The following KIRREL3 variants were observed in gnomAD, a reference collection of about 807,000 sequenced individuals.
KIRREL3 encodes kin of IRRE-like protein 3.
A neutral mutation model predicts 89.7 loss-of-function variants in KIRREL3; 36 were observed. The ratio of observed to expected loss-of-function variants is 0.40; its 90% CI spans 0.31 to 0.53. KIRREL3 has a LOEUF of 0.53. Among genes scored for constraint, KIRREL3 ranks in the 20% least tolerant of loss-of-function variants. KIRREL3 has a pLI of 0.49. For missense variants in KIRREL3, 864 were observed against 1,056.6 expected (o/e 0.82, Z 2.53); for synonymous variants, 445 against 441.4 (o/e 1.01, Z -0.10).
intron 1 of KIRREL3, among the ~76,000 whole-genome samples, chr11:126,922,914 C>T (rs1314554130): frequency 6.6e-6 from 1 of 152,166 alleles, no homozygotes; most frequent in African/African-American, 2.4e-5. Context: ...TGGTTCTTGC[C>T]GAGGTTGCGA....
In KIRREL3 at chr11:126,601,472, C is replaced by T. The variant is rs558307233; in HGVS notation, c.56-38560G>A. Reference sequence around the variant, plus strand: ...TCTCATACTCTAAAGATGAACTTCCCGTGCTCAATCAAACGTTATTATCCC... The same window carrying T: ...TCTCATACTCTAAAGATGAACTTCCTGTGCTCAATCAAACGTTATTATCCC... On this transcript the variant is annotated intron_variant, in intron 1 of 16. Transcript: ENST00000525144. The surrounding 1 kb of genome is among the most constrained non-coding windows in gnomAD (Gnocchi z 5.8). Among the ~76,000 whole-genome samples the T allele has an allele frequency of 3.0e-4, 45 of 152,204 alleles. No homozygotes were observed. Among genetic ancestry groups the T allele is most frequent in the Non-Finnish European group, 3.2e-4 (22 of 68,038 alleles).
chr11:126,516,482 G>A lies in KIRREL3; in HGVS notation c.433+4833C>T, dbSNP rs751795097. 1.4e-3 allele frequency among the ~76,000 whole-genome samples: 211 copies of A among 152,120 alleles called. No individual in the cohort carries two copies. Among genetic ancestry groups the A allele is most frequent in the Non-Finnish European group, 1.9e-3 (127 of 68,016 alleles). ...TGGTTTAATCCGTGCATCACTTATCGACCGCCTTCTCTCTGCCAGAATGCA... is the reference window on the plus strand; with the variant it reads ...TGGTTTAATCCGTGCATCACTTATCAACCGCCTTCTCTCTGCCAGAATGCA... On this transcript the variant is annotated intron_variant, in intron 4 of 16. Coordinates refer to ENST00000525144, the MANE Select transcript of KIRREL3 (RefSeq NM_032531.4). This position sits in a 1 kb window ranked among gnomAD's most constrained non-coding sequence, Gnocchi z 4.9.
chr11:126,852,405 C>T (rs537662642), intron 1 of KIRREL3, among the ~76,000 whole-genome samples: 22 of 152,256 alleles, frequency 1.4e-4, no homozygotes, highest in Admixed American at 2.6e-4. Context: ...AGCCTAGGAC[C>T]AATCATCTAA....
chr11:126,948,149 A>G lies in KIRREL3; in HGVS notation c.55+52306T>C, dbSNP rs892291300. Among the ~76,000 whole-genome samples, 1 of 152,212 alleles carries G rather than the reference A, an allele frequency of 6.6e-6. No individual in the cohort carries two copies. Among genetic ancestry groups the G allele is most frequent in the Non-Finnish European group, 1.5e-5 (1 of 68,030 alleles). On this transcript the variant is annotated intron_variant, in intron 1 of 16. Coordinates refer to ENST00000525144, the MANE Select transcript of KIRREL3 (RefSeq NM_032531.4). The surrounding 1 kb of genome is among the most constrained non-coding windows in gnomAD (Gnocchi z 4.5). ...ATCCATTGCCTAGTGGTTAACCCTC[A>G]ATAAATGCTTTTTGTAATCAACTTA...
At chr11:126,838,724 A>G (rs1386269725) in intron 1 of KIRREL3, among the ~76,000 whole-genome samples, 1 of 152,118 alleles carries the variant, frequency 6.6e-6, no homozygotes, top group Non-Finnish European at 1.5e-5. Flanking sequence ...GGTAAATGGA[A>G]TTTTTTGCTA....
intron 1 of KIRREL3, among the ~76,000 whole-genome samples, chr11:126,733,754 T>G (rs1369334463): frequency 6.6e-6 from 1 of 152,252 alleles, no homozygotes; most frequent in Non-Finnish European, 1.5e-5. Context: ...GCCCTTTTTT[T>G]CCCTGATATG....
rs914510765 is a variant in KIRREL3, at chr11:126,856,676, C to T, written c.55+143779G>A. 3.3e-5 allele frequency among the ~76,000 whole-genome samples: 5 copies of T among 150,894 alleles called. No individual in the cohort carries two copies. In the East Asian group the frequency reaches 5.9e-4, roughly 18 times the overall value. ...TGTCGCCCAGACTGGAGTGCAGTGGCGCCATCTCGGCTCACTGCAAGCTCT... is the reference window on the plus strand; with the variant it reads ...TGTCGCCCAGACTGGAGTGCAGTGGTGCCATCTCGGCTCACTGCAAGCTCT... On this transcript the variant is annotated intron_variant, in intron 1 of 16. Coordinates refer to ENST00000525144, the MANE Select transcript of KIRREL3 (RefSeq NM_032531.4).
At position 126,903,720 on chromosome 11, in the gene KIRREL3, T is replaced by C. The variant is rs562929336; in HGVS notation, c.55+96735A>G. Among the ~76,000 whole-genome samples, 4 of 152,354 alleles carry C rather than the reference T, an allele frequency of 2.6e-5. No homozygotes were observed. The South Asian group carries it at 6.2e-4, about 24-fold the overall frequency. On this transcript the variant is annotated intron_variant, in intron 1 of 16. Transcript: ENST00000525144. The surrounding 1 kb of genome is among the most constrained non-coding windows in gnomAD (Gnocchi z 4.5). ...GGCTGACAATGATGAAAATGAGATA[T>C]GTTGGGCCACCAACGCTTTCTGTAA...
chr11:126,557,141 C>T lies in KIRREL3; in HGVS notation c.133+5694G>A, dbSNP rs1332225543. The stretch of plus-strand genomic sequence containing the variant: ...GGCCTGCTCATCCCTGGGTCAGGTC[C>T]CCAGGCCAAGGACCCTGGCCTGCTG... On this transcript the variant is annotated intron_variant, in intron 2 of 16. Transcript: ENST00000525144. This position sits in a 1 kb window ranked among gnomAD's most constrained non-coding sequence, Gnocchi z 5.6. 1.3e-5 allele frequency among the ~76,000 whole-genome samples: 2 copies of T among 152,146 alleles called. No individual in the cohort carries two copies. Among genetic ancestry groups the T allele is most frequent in the South Asian group, 2.1e-4 (1 of 4,822 alleles).
intron 2 of KIRREL3, among the ~76,000 whole-genome samples, chr11:126,533,574 A>C (rs538933954): frequency 6.6e-6 from 1 of 152,346 alleles, no homozygotes; most frequent in East Asian, 1.9e-4. Context: ...AGGTGAGCGC[A>C]GACCTGCAGG....
rs1045162320 is a variant in KIRREL3, at chr11:126,748,667, C to T, written c.56-185755G>A. ...AGGGGCAGGAAGGCCAAGGCTGATTCGGCCTTGGTCTGGCAAGGGAAGCTG... is the reference window on the plus strand; with the variant it reads ...AGGGGCAGGAAGGCCAAGGCTGATTTGGCCTTGGTCTGGCAAGGGAAGCTG... On this transcript the variant is annotated intron_variant, in intron 1 of 16. Transcript: ENST00000525144. This position sits in a 1 kb window ranked among gnomAD's most constrained non-coding sequence, Gnocchi z 4.6. 6.6e-5 allele frequency among the ~76,000 whole-genome samples: 10 copies of T among 152,088 alleles called. No homozygotes were observed. The highest frequency in any genetic ancestry group is 2.6e-4 in the Admixed American group (4 of 15,268).
chr11:126,919,296 G>A (rs1301209188), intron 1 of KIRREL3, among the ~76,000 whole-genome samples: 1 of 152,102 alleles, frequency 6.6e-6, no homozygotes, highest in African/African-American at 2.4e-5. Context: ...GGGCCCCTTG[G>A]TTAAACACTG....
At chr11:126,681,126 C>T (rs1175579606) in intron 1 of KIRREL3, among the ~76,000 whole-genome samples, 1 of 152,170 alleles carries the variant, frequency 6.6e-6, no homozygotes, top group Non-Finnish European at 1.5e-5. Flanking sequence ...AGCTCTCTCC[C>T]AGGTGGCAAA....
At chr11:126,848,400 G>A (rs960098937) in intron 1 of KIRREL3, among the ~76,000 whole-genome samples, 5 of 152,184 alleles carry the variant, frequency 3.3e-5, no homozygotes, top group Admixed American at 1.3e-4. Flanking sequence ...TGGTATACCT[G>A]TTATTAAATT....
In KIRREL3 at chr11:126,905,775, G is replaced by A. The variant is rs974692539; in HGVS notation, c.55+94680C>T. 2.6e-5 allele frequency among the ~76,000 whole-genome samples: 4 copies of A among 152,174 alleles called. No individual in the cohort carries two copies. Among genetic ancestry groups the A allele is most frequent in the Non-Finnish European group, 5.9e-5 (4 of 68,034 alleles). On this transcript the variant is annotated intron_variant, in intron 1 of 16. Transcript: ENST00000525144. The surrounding 1 kb of genome is among the most constrained non-coding windows in gnomAD (Gnocchi z 5.0). ...ACAACACAGAGCCCTATCTGCCGCTGCCAGTTCGGGCGGATGCCTAACGAG... is the reference window on the plus strand; with the variant it reads ...ACAACACAGAGCCCTATCTGCCGCTACCAGTTCGGGCGGATGCCTAACGAG...
At chr11:126,648,668 T>C (rs1346807112) in intron 1 of KIRREL3, among the ~76,000 whole-genome samples, 1 of 152,232 alleles carries the variant, frequency 6.6e-6, no homozygotes, top group East Asian at 1.9e-4. Context: ...TGCACAGATA[T>C]TTAAAATTTG....
rs1454038843 is a variant in KIRREL3 at position 126,620,733 on chromosome 11, C to G, written c.56-57821G>C. Among the ~76,000 whole-genome samples, 1 of 152,184 alleles carries G rather than the reference C, an allele frequency of 6.6e-6. No individual in the cohort carries two copies. The highest frequency in any genetic ancestry group is 2.4e-5 in the African/African-American group (1 of 41,432). ...TCAATGCTTTTATAGGTCTCTTGAT[C>G]TCTTCTTCCTGCCTCATACCCCACT... On this transcript the variant is annotated intron_variant, in intron 1 of 16. Transcript: ENST00000525144. The surrounding 1 kb of genome is among the most constrained non-coding windows in gnomAD (Gnocchi z 4.8).
rs1174791082 is a variant in KIRREL3, at chr11:126,643,964, A to C, written c.56-81052T>G. Reference sequence around the variant, plus strand: ...TTTGCAGGAAGGTAAGCTATGTGCTAGATGGAGAGTTAGGGACCTTGTAGG... The same window carrying C: ...TTTGCAGGAAGGTAAGCTATGTGCTCGATGGAGAGTTAGGGACCTTGTAGG... On this transcript the variant is annotated intron_variant, in intron 1 of 16. Coordinates refer to ENST00000525144, the MANE Select transcript of KIRREL3 (RefSeq NM_032531.4). This position sits in a 1 kb window ranked among gnomAD's most constrained non-coding sequence, Gnocchi z 4.5. Among the ~76,000 whole-genome samples, 1 of 152,202 alleles carries C rather than the reference A, an allele frequency of 6.6e-6. No homozygotes were observed. The highest frequency in any genetic ancestry group is 2.4e-5 in the African/African-American group (1 of 41,446).
chr11:126,881,356 CA>C (rs572675915), intron 1 of KIRREL3, among the ~76,000 whole-genome samples: 65 of 152,226 alleles, frequency 4.3e-4, no homozygotes, highest in Admixed American at 2.6e-3. Context: ...GCAGAGCCCA[CA>C]AACGGGCTGG....
Sources: gnomAD v4.1 joint callset for allele counts (sites outside exome capture counted in the v4.1 genomes callset) on GRCh38, gnomAD v4.1.1 for gene constraint, Gnocchi (gnomAD v3.1) non-coding constraint, MANE v1.5 for transcripts, NCBI Gene and HGNC (gene_info 2026-07-23, HGNC 2026-07-21) for gene names.